Variants in LVRN observed in about 807,000 individuals in gnomAD.
LVRN encodes the protein aminopeptidase Q.
LVRN carries 99 observed loss-of-function variants against 111.4 expected under a neutral mutation model. The ratio of observed to expected loss-of-function variants is 0.89; its 90% CI spans 0.76 to 1.05. The LOEUF (loss-of-function observed/expected upper bound fraction) is 1.05, where lower values mean the gene tolerates loss of function less well. LVRN is among the 50% of genes least tolerant of loss of function. The pLI, the probability that LVRN is intolerant of heterozygous loss-of-function variation, is 0.00. For missense variants in LVRN, 1,414 were observed against 1,206.8 expected (o/e 1.17, Z -2.54); for synonymous variants, 488 against 449.5 (o/e 1.09, Z -1.08).
intron 4 of LVRN, among the ~76,000 whole-genome samples, chr5:115,991,797 T>C (rs1434223183): frequency 6.6e-6 from 1 of 152,238 alleles, no homozygotes; most frequent in African/African-American, 2.4e-5. Flanking sequence ...TTGCCATTTA[T>C]ATATCTTCTT....
intron 3 of LVRN, 65 bp from the exon 4 acceptor site, chr5:115,987,748 G>T: frequency 6.5e-7 from 1 of 1,540,316 alleles, no homozygotes; most frequent in Non-Finnish European, 8.8e-7. Context: ...ATTGGAGCAA[G>T]CAGACTACCT....
At chr5:116,011,190 G>GTT (rs34031653) in intron 14 of LVRN, among the ~76,000 whole-genome samples, 34,483 of 143,962 alleles carry the variant, frequency 0.24, 4,147 homozygotes, top group Non-Finnish European at 0.27. Context: ...TGGTATGCCT[G>GTT]TTTTTTTTTT....
chr5:116,001,092 T>C lies in LVRN; in HGVS notation c.1673T>C (p.Ile558Thr). 6.2e-7 allele frequency: 1 copy of C among 1,611,214 alleles called. No individual in the cohort carries two copies. The highest frequency in any genetic ancestry group is 8.5e-7 in the Non-Finnish European group (1 of 1,179,242). Residue 558 changes from isoleucine (I) to threonine (T), a missense_variant, in exon 10 of 20, where the codon ATT becomes ACT. Physicochemically the swap from Ile to Thr is moderately conservative, Grantham distance 89. Transcript: ENST00000357872. Reference protein sequence around the residue: ...QMAIDDQSTVILPATIKNIMD... With the variant: ...QMAIDDQSTVTLPATIKNIMD... ...GCCATAGATGACCAGAGTACAGTTA[T>C]TTTGCCAGCAACAATAAAAAACATA...
At chr5:116,000,841 T>A (rs950335183) in intron 9 of LVRN, among the ~76,000 whole-genome samples, 183 bp downstream of exon 9, 4 of 152,178 alleles carry the variant, frequency 2.6e-5, no homozygotes, top group African/African-American at 7.2e-5. Context: ...GAACAGAGCA[T>A]GGAATATGTT....
intron 13 of LVRN, among the ~76,000 whole-genome samples, chr5:116,007,500 A>C (rs1167583844): frequency 2.0e-5 from 3 of 152,008 alleles, no homozygotes; most frequent in Admixed American, 6.6e-5. Context: ...GCCTTCCTTG[A>C]CTTTTCTATC....
chr5:115,963,379 C>G (rs1753134385), intron 1 of LVRN, 67 bp downstream of exon 1: 2 of 1,333,020 alleles, frequency 1.5e-6, no homozygotes, highest in South Asian at 1.5e-5. Flanking sequence ...GGCTGCGGGT[C>G]CAGCTGACTA....
chr5:116,010,314 G>A (rs1165935170), intron 13 of LVRN, among the ~76,000 whole-genome samples: 1 of 152,162 alleles, frequency 6.6e-6, no homozygotes, highest in Non-Finnish European at 1.5e-5. Flanking sequence ...CTTTATTGTG[G>A]TCTGGAACAG....
intron 18 of LVRN, chr5:116,021,560 T>A (rs974809807): frequency 3.6e-6 from 1 of 278,654 alleles, no homozygotes; most frequent in African/African-American, 2.3e-5. Context: ...TTTATTAGTA[T>A]ATTATGCCAG....
intron 1 of LVRN, among the ~76,000 whole-genome samples, chr5:115,964,802 A>G (rs7725463): frequency 0.25 from 37,469 of 152,198 alleles, 5,232 homozygotes; most frequent in Non-Finnish European, 0.31. Context: ...GCAAGAAGAA[A>G]TCTTAATAAA....
chr5:116,014,642 C>T (rs1748561720), intron 16 of LVRN, 115 bp downstream of exon 16: 13 of 779,370 alleles, frequency 1.7e-5, no homozygotes, highest in Non-Finnish European at 4.3e-6. Context: ...GTTAGGCGCT[C>T]TCTCCTACTA....
rs183340646 is a variant in LVRN at position 115,988,001 on chromosome 5, C to T, written c.1105+62C>T. On this transcript the variant is annotated intron_variant, in intron 4 of 19. Coordinates refer to ENST00000357872, the MANE Select transcript of LVRN (RefSeq NM_173800.5). ...CTGTTATTTGGGCCCTTGGTTGAGG[C>T]CTCAAGATACACAGACAAACCCATA... 8.0e-5 allele frequency: 124 copies of T among 1,556,350 alleles called. No homozygotes were observed. In the East Asian group the frequency reaches 1.9e-3, roughly 24 times the overall value.
intron 14 of LVRN, 75 bp from the exon 15 acceptor site, chr5:116,012,299 A>T (rs1748506612): frequency 1.3e-6 from 1 of 796,064 alleles, no homozygotes; most frequent in Non-Finnish European, 2.1e-6. Flanking sequence ...CTTTTCAGAT[A>T]AATAAATAGA....
At chr5:116,002,727 C>A in intron 10 of LVRN, 108 bp from the exon 11 acceptor site, 2 of 780,618 alleles carry the variant, frequency 2.6e-6, no homozygotes, top group South Asian at 2.1e-5. Flanking sequence ...AGAGAATGAC[C>A]AAAGAAACTG....
At position 116,005,900 on chromosome 5, in the gene LVRN, C is replaced by T. The variant is rs781758855; in HGVS notation, c.2038-12C>T. On this transcript the variant is annotated splice_polypyrimidine_tract_variant and intron_variant, in intron 12 of 19. Coordinates refer to ENST00000357872, the MANE Select transcript of LVRN (RefSeq NM_173800.5). Reference sequence around the variant, plus strand: ...CATCTTCTTCTGGGCATATTTGGGTCTAATTCTGCAGGCGATTCCTGTTAT... The same window carrying T: ...CATCTTCTTCTGGGCATATTTGGGTTTAATTCTGCAGGCGATTCCTGTTAT... The T allele has an allele frequency of 6.3e-7, 1 of 1,590,916 alleles. No individual in the cohort carries two copies. Among genetic ancestry groups the T allele is most frequent in the Non-Finnish European group, 8.6e-7 (1 of 1,159,010 alleles).
intron 19 of LVRN, among the ~76,000 whole-genome samples, chr5:116,024,908 G>C (rs183208464): frequency 2.0e-5 from 3 of 152,274 alleles, no homozygotes; most frequent in Non-Finnish European, 1.5e-5. Flanking sequence ...AAAAAAGAAA[G>C]TGAAAATGAA....
chr5:115,988,988 C>T (rs1580384660), intron 4 of LVRN, among the ~76,000 whole-genome samples: 1 of 152,130 alleles, frequency 6.6e-6, no homozygotes, highest in East Asian at 1.9e-4. Context: ...TCTAATTAGT[C>T]ACCTTATCGT....
chr5:115,990,859 A>C (rs1442541555), intron 4 of LVRN, among the ~76,000 whole-genome samples: 1 of 152,292 alleles, frequency 6.6e-6, no homozygotes, highest in Admixed American at 6.5e-5. Context: ...CGCATAAGCC[A>C]CCATGCCTGG....
At chr5:116,020,913 T>A (rs945452158) in intron 18 of LVRN, 1 of 152,260 alleles carries the variant, frequency 6.6e-6, no homozygotes, top group South Asian at 2.1e-4. Context: ...TTGAGTCGTA[T>A]TGGCTTTTGA....
At chr5:115,986,923 C>A (rs1329756938) in intron 3 of LVRN, among the ~76,000 whole-genome samples, 1 of 152,108 alleles carries the variant, frequency 6.6e-6, no homozygotes, top group Non-Finnish European at 1.5e-5. Flanking sequence ...ACGGCATTCA[C>A]AACAGGACAA....
Sources: allele counts gnomAD v4.1 joint callset (sites outside exome capture counted in the v4.1 genomes callset), GRCh38; gene constraint gnomAD v4.1.1; transcripts MANE v1.5; gene names NCBI Gene and HGNC (gene_info 2026-07-23, HGNC 2026-07-21).